The following CYP4F11 variants were observed in gnomAD, a reference collection of about 807,000 sequenced individuals.
CYP4F11 encodes cytochrome P450 4F11.
Under a neutral mutation model 62.2 loss-of-function variants are expected in CYP4F11, and 79 were observed. That is an observed-to-expected ratio of 1.27 (90% CI 1.06 to 1.53). CYP4F11 has a LOEUF of 1.53. Ranked by LOEUF, CYP4F11 falls within the 40% of genes most tolerant of loss-of-function variation. CYP4F11 has a pLI of 0.00. For synonymous variants in CYP4F11, 290 were observed against 263.7 expected, an observed-to-expected ratio of 1.10 and a Z score of -0.97; for missense variants, 777 against 680.5, an observed-to-expected ratio of 1.14 and a Z score of -1.58.
intron 4 of CYP4F11, among the ~76,000 whole-genome samples, chr19:15,925,701 TAC>T (rs1343538996): frequency 1.5e-5 from 2 of 136,648 alleles, no homozygotes; most frequent in Non-Finnish European, 3.1e-5. Context: ...TATATATATA[TAC>T]ACACACATAT....
At chr19:15,927,627 G>C in intron 2 of CYP4F11, 144 bp from the exon 3 acceptor site, 1 of 1,119,526 alleles carries the variant, frequency 8.9e-7, no homozygotes, top group East Asian at 2.4e-5. Flanking sequence ...AGAGGAAGAA[G>C]GGAGGATGGT....
intron 4 of CYP4F11, among the ~76,000 whole-genome samples, chr19:15,925,259 G>C (rs1325585865): frequency 6.6e-6 from 1 of 152,058 alleles, no homozygotes; most frequent in East Asian, 1.9e-4. Flanking sequence ...TTACTATCTG[G>C]TTGAACTTTG....
At chr19:15,922,964 T>C (rs1486930878) in intron 6 of CYP4F11, among the ~76,000 whole-genome samples, 2 of 151,854 alleles carry the variant, frequency 1.3e-5, no homozygotes, top group Non-Finnish European at 2.9e-5. Flanking sequence ...GGCAGGAGAA[T>C]CACTTGAACC....
intron 8 of CYP4F11, among the ~76,000 whole-genome samples, chr19:15,915,168 TA>T (rs1309676376): frequency 1.3e-5 from 2 of 152,120 alleles, no homozygotes; most frequent in Non-Finnish European, 2.9e-5. Flanking sequence ...GGCCTAAAGG[TA>T]AATATCCTTT....
chr19:15,916,686 T>A (rs2089585479), intron 8 of CYP4F11, among the ~76,000 whole-genome samples: 1 of 152,132 alleles, frequency 6.6e-6, no homozygotes, highest in Admixed American at 6.5e-5. Context: ...TGCTCATCAC[T>A]AATCATCAGG....
intron 8 of CYP4F11, among the ~76,000 whole-genome samples, chr19:15,915,451 G>C (rs1169179265): frequency 6.6e-6 from 1 of 152,070 alleles, no homozygotes; most frequent in African/African-American, 2.4e-5. Context: ...TTTTTCTGTG[G>C]CTGTTTAAAA....
In CYP4F11 at chr19:15,934,008, AGGAATGAGTGAGTGG is replaced by A. The variant is rs1478415663; in HGVS notation, c.198+188_198+202del. Among the ~76,000 whole-genome samples the A allele has an allele frequency of 1.1e-4, 13 of 114,166 alleles. No individual in the cohort carries two copies. In the South Asian group the frequency reaches 1.6e-3, roughly 14 times the overall value. The allele number at this position is 114,166 out of a possible 152,430, so 74.9% of individuals were successfully genotyped here. A position where few individuals can be genotyped will look rare whatever the true frequency, so the allele number is the denominator to read the frequency against. ...GGGAGAGGAATGAGTGAGTGGGCAGAGGAATGAGTGAGTGGGCAGAGGAATGAGTGAGCGGGGAGA... is the reference window on the plus strand; with the variant it reads ...GGGAGAGGAATGAGTGAGTGGGCAGAGCAGAGGAATGAGTGAGCGGGGAGA... On this transcript the variant is annotated intron_variant, in intron 1 of 11. Coordinates refer to ENST00000402119, the MANE Select transcript of CYP4F11 (RefSeq NM_021187.4).
intron 1 of CYP4F11, among the ~76,000 whole-genome samples, chr19:15,931,641 C>T (rs377160495): frequency 0.057 from 1,148 of 20,246 alleles, 9 homozygotes; most frequent in Non-Finnish European, 0.058. Context: ...AATGAGTGAG[C>T]GAGGAGAGGA....
intron 8 of CYP4F11, among the ~76,000 whole-genome samples, chr19:15,919,481 T>C (rs1236639014): frequency 9.6e-6 from 1 of 104,374 alleles, no homozygotes; most frequent in South Asian, 4.4e-4. Context: ...TATAGATAGA[T>C]AGATAGATAG....
rs376145500 is a variant in CYP4F11, at chr19:15,929,409, G to T, written c.343+48C>A. On this transcript the variant is annotated intron_variant, in intron 2 of 11. Coordinates refer to ENST00000402119, the MANE Select transcript of CYP4F11 (RefSeq NM_021187.4). Reference sequence around the variant, plus strand: ...GCTTGGGGAGGGGAGAGGCTAGAAGGCCTTTGATGTTTCCCAGCCCCCACT... The same window carrying T: ...GCTTGGGGAGGGGAGAGGCTAGAAGTCCTTTGATGTTTCCCAGCCCCCACT... The T allele has an allele frequency of 9.9e-6, 16 of 1,612,282 alleles. No homozygotes were observed. In the Admixed American group the frequency reaches 1.5e-4, roughly 15 times the overall value.
chr19:15,924,933 C>A (rs1159334079), intron 4 of CYP4F11, 51 bp from the exon 5 acceptor site: 3 of 1,562,656 alleles, frequency 1.9e-6, no homozygotes, highest in African/African-American at 2.7e-5. Flanking sequence ...CCTGGGAGCA[C>A]CTTCCCAGAC....
intron 8 of CYP4F11, among the ~76,000 whole-genome samples, chr19:15,919,502 A>AGATAGAT (rs1555777274): frequency 6.7e-6 from 1 of 149,940 alleles, no homozygotes; most frequent in East Asian, 2.0e-4. Context: ...ATAGATAGAT[A>AGATAGAT]GATAGATAGA....
Position 15,914,367 on chromosome 19 carries a change from G to A in CYP4F11, c.1335C>T (p.Phe445=), listed in dbSNP as rs17845512. 1.9e-6 allele frequency: 3 copies of A among 1,614,082 alleles called. No individual in the cohort carries two copies. Among genetic ancestry groups the A allele is most frequent in the Admixed American group, 1.7e-5 (1 of 60,028 alleles). ...PDPEVYDPFR[F]DQENIKERSP... ...ACCTCTCCTTGATGTTCTCTTGGTC[G>A]AAACGGAAGGGGTCGTAGACCTGCA... Residue 445 remains phenylalanine, a synonymous_variant, in exon 11 of 12, where the codon TTC becomes TTT. Coordinates refer to ENST00000402119, the MANE Select transcript of CYP4F11 (RefSeq NM_021187.4).
At chr19:15,925,571 G>T (rs1051024804) in intron 4 of CYP4F11, among the ~76,000 whole-genome samples, 3 of 151,894 alleles carry the variant, frequency 2.0e-5, no homozygotes, top group Admixed American at 2.0e-4. Context: ...TGCATGTGGG[G>T]CTTAAAACCT....
intron 8 of CYP4F11, among the ~76,000 whole-genome samples, chr19:15,921,667 T>A (rs2089630269): frequency 6.6e-6 from 1 of 152,116 alleles, no homozygotes; most frequent in African/African-American, 2.4e-5. Context: ...CTCTTATAAA[T>A]CCCTGGACTG....
Position 15,912,680 on chromosome 19 carries a change from A to AAAATATAT in CYP4F11, c.*1051_*1052insATATATTT, listed in dbSNP as rs59091525. 4 of 66,166 alleles carry AAAATATAT rather than the reference A, an allele frequency of 6.0e-5. No homozygotes were observed. Among genetic ancestry groups the AAAATATAT allele is most frequent in the African/African-American group, 6.4e-5 (1 of 15,512 alleles). 4.1% of individuals were successfully genotyped at this position (66,166 alleles called of 1,614,324 possible). ...TCACCATCCTCAGGAAAAAAAAAAA[A>AAAATATAT]ATATATATATATATATATGTGTGTG... On this transcript the variant is annotated 3_prime_UTR_variant, in exon 12 of 12. Coordinates refer to ENST00000402119, the MANE Select transcript of CYP4F11 (RefSeq NM_021187.4).
At chr19:15,930,726 C>G (rs768942837) in intron 1 of CYP4F11, among the ~76,000 whole-genome samples, 1 of 152,154 alleles carries the variant, frequency 6.6e-6, no homozygotes, top group South Asian at 2.1e-4. Context: ...TGGAAAAGTC[C>G]GCATGGAAGG....
chr19:15,923,779 T>C (rs1255583466), intron 6 of CYP4F11, 33 bp downstream of exon 6: 3 of 1,598,224 alleles, frequency 1.9e-6, no homozygotes, highest in Admixed American at 1.7e-5. Context: ...ATCTCCACTC[T>C]ATTACTTGAA....
At chr19:15,914,542 T>C in intron 10 of CYP4F11, 60 bp downstream of exon 10, 2 of 1,601,666 alleles carry the variant, frequency 1.2e-6, no homozygotes, top group African/African-American at 2.7e-5. Flanking sequence ...CAAAACCCTG[T>C]CACCTCCTCT....
Sources: gnomAD v4.1 joint callset for allele counts (sites outside exome capture counted in the v4.1 genomes callset) on GRCh38, gnomAD v4.1.1 for gene constraint, MANE v1.5 for transcripts, NCBI Gene and HGNC (gene_info 2026-07-23, HGNC 2026-07-21) for gene names.